Variants in IMMP2L observed in about 807,000 individuals in gnomAD.
IMMP2L encodes the protein mitochondrial inner membrane protease subunit 2.
Under a neutral mutation model 19.3 loss-of-function variants are expected in IMMP2L, and 18 were observed. That is an observed-to-expected ratio of 0.93 (90% confidence interval 0.64 to 1.38). The LOEUF is 1.38. IMMP2L is among the 40% of genes most tolerant of loss of function. IMMP2L has a pLI of 0.00. For synonymous variants in IMMP2L, 76 were observed against 73.0 expected (o/e 1.04, Z -0.21); for missense variants, 233 against 218.2 (o/e 1.07, Z -0.43).
At chr7:111,118,779 A>T (rs1800217797) in intron 3 of IMMP2L, among the ~76,000 whole-genome samples, 8 of 152,136 alleles carry the variant, frequency 5.3e-5, no homozygotes, top group Admixed American at 5.2e-4. Flanking sequence ...TATGCTAAAG[A>T]AACGATAAAT....
intron 5 of IMMP2L, among the ~76,000 whole-genome samples, chr7:110,706,670 G>A (rs1271706675): frequency 1.3e-5 from 2 of 152,034 alleles, no homozygotes; most frequent in East Asian, 1.9e-4. Flanking sequence ...AAGTGTCCAT[G>A]TCTTTTGCCC....
chr7:111,422,415 T>C lies in IMMP2L; in HGVS notation c.239+64823A>G, dbSNP rs576468689. Reference sequence around the variant, plus strand: ...TATTTCATTGAGCAGTGGTTTGTAGTTCTCCTTGAAGAGGTCACCACATCC... The same window carrying C: ...TATTTCATTGAGCAGTGGTTTGTAGCTCTCCTTGAAGAGGTCACCACATCC... On this transcript the variant is annotated intron_variant, in intron 3 of 5. Coordinates refer to ENST00000405709, the MANE Select transcript of IMMP2L (RefSeq NM_032549.4). Among the ~76,000 whole-genome samples the C allele has an allele frequency of 3.6e-3, 539 of 151,360 alleles. 19 individuals are homozygous for C. Among genetic ancestry groups the C allele is most frequent in the African/African-American group, 0.013 (521 of 41,096 alleles).
chr7:111,047,175 G>T (rs938059798), intron 3 of IMMP2L, among the ~76,000 whole-genome samples: 1 of 146,818 alleles, frequency 6.8e-6, no homozygotes, highest in African/African-American at 2.7e-5. Context: ...TGTCTTTTTT[G>T]TTTTTTTTTT....
At chr7:111,437,285 A>G (rs1837273788) in intron 3 of IMMP2L, among the ~76,000 whole-genome samples, 1 of 151,732 alleles carries the variant, frequency 6.6e-6, no homozygotes, top group Non-Finnish European at 1.5e-5. Context: ...ATCTCTACTA[A>G]AAATACAAAA....
intron 3 of IMMP2L, among the ~76,000 whole-genome samples, chr7:110,980,727 A>G (rs1178250978): frequency 6.6e-6 from 1 of 152,202 alleles, no homozygotes; most frequent in East Asian, 1.9e-4. Flanking sequence ...CCTAAATTTG[A>G]CAAAGTTTTG....
At chr7:111,179,573 T>TAAGG (rs1262865986) in intron 3 of IMMP2L, among the ~76,000 whole-genome samples, 2 of 152,016 alleles carry the variant, frequency 1.3e-5, no homozygotes, top group African/African-American at 4.8e-5. Context: ...GCATCATTCT[T>TAAGG]AAGGGCCCTA....
At chr7:111,250,373 T>C (rs1035172206) in intron 3 of IMMP2L, among the ~76,000 whole-genome samples, 8 of 152,082 alleles carry the variant, frequency 5.3e-5, no homozygotes, top group Admixed American at 2.0e-4. Context: ...TAAACGACCA[T>C]TGACGTTTTT....
chr7:111,552,418 C>G (rs115805780), intron 1 of IMMP2L, among the ~76,000 whole-genome samples: 2,178 of 152,168 alleles, frequency 0.014, 45 homozygotes, highest in African/African-American at 0.05. Flanking sequence ...CTCCTGAGGA[C>G]CTGGCATCAC....
At chr7:111,094,371 A>C (rs185774112) in intron 3 of IMMP2L, among the ~76,000 whole-genome samples, 1 of 152,118 alleles carries the variant, frequency 6.6e-6, no homozygotes, top group African/African-American at 2.4e-5. Flanking sequence ...AGACTAAAAA[A>C]TGAGTTCCTA....
In IMMP2L at chr7:111,045,280, G is replaced by A. The variant is rs569272779; in HGVS notation, c.240-81715C>T. Among the ~76,000 whole-genome samples the A allele has an allele frequency of 4.5e-4, 69 of 152,190 alleles. 1 individual carries two copies. The highest frequency in any genetic ancestry group is 1.6e-3 in the African/African-American group (67 of 41,508). ...GACTCAATCCATTAGTAAATTCTAT[G>A]GGCTTTACTTCCTAAATATATCCTC... is the stretch of plus-strand genomic sequence containing the variant. On this transcript the variant is annotated intron_variant, in intron 3 of 5. Coordinates refer to ENST00000405709, the MANE Select transcript of IMMP2L (RefSeq NM_032549.4).
intron 3 of IMMP2L, among the ~76,000 whole-genome samples, chr7:111,035,284 A>T (rs1791223047): frequency 6.6e-6 from 1 of 152,210 alleles, no homozygotes; most frequent in Non-Finnish European, 1.5e-5. Flanking sequence ...ATCATCTATT[A>T]ACCCTGTTTA....
intron 3 of IMMP2L, among the ~76,000 whole-genome samples, chr7:110,967,800 T>C (rs749195218): frequency 3.9e-5 from 6 of 152,068 alleles, no homozygotes; most frequent in Non-Finnish European, 7.4e-5. Flanking sequence ...AAATATATGT[T>C]TTTCTATTCT....
Position 111,434,288 on chromosome 7 carries a change from G to A in IMMP2L, c.239+52950C>T, listed in dbSNP as rs11977251. ...ACCCATACCTGTCACAAAGTCTTAT[G>A]TTCTGGTCTTTGGATTAGGCAATGA... On this transcript the variant is annotated intron_variant, in intron 3 of 5. Coordinates refer to ENST00000405709, the MANE Select transcript of IMMP2L (RefSeq NM_032549.4). Among the ~76,000 whole-genome samples, 898 of 151,832 alleles carry A rather than the reference G, an allele frequency of 5.9e-3. 31 individuals carry two copies. Among genetic ancestry groups the A allele is most frequent in the African/African-American group, 0.02 (831 of 41,210 alleles).
At chr7:111,542,638 A>G (rs1392741699) in intron 1 of IMMP2L, among the ~76,000 whole-genome samples, 2 of 152,174 alleles carry the variant, frequency 1.3e-5, no homozygotes, top group Admixed American at 6.6e-5. Flanking sequence ...TATTGATTTC[A>G]TAACTGCTAC....
intron 3 of IMMP2L, among the ~76,000 whole-genome samples, chr7:111,445,531 G>A (rs560943261): frequency 5.0e-4 from 76 of 152,164 alleles, no homozygotes; most frequent in African/African-American, 1.7e-3. Flanking sequence ...TGAGAATAAC[G>A]AAACTTTAAA....
chr7:111,531,154 A>G (rs1234897732), intron 1 of IMMP2L, among the ~76,000 whole-genome samples: 3 of 151,978 alleles, frequency 2.0e-5, no homozygotes, highest in Non-Finnish European at 2.9e-5. Context: ...ACAGGGTTTC[A>G]CCATGTTAGC....
At position 111,342,010 on chromosome 7, in the gene IMMP2L, C is replaced by A. The variant is rs544280194; in HGVS notation, c.239+145228G>T. Among the ~76,000 whole-genome samples the A allele has an allele frequency of 4.8e-4, 73 of 152,236 alleles. 1 individual carries two copies. Among genetic ancestry groups the A allele is most frequent in the African/African-American group, 1.4e-3 (59 of 41,552 alleles). On this transcript the variant is annotated intron_variant, in intron 3 of 5. Coordinates refer to ENST00000405709, the MANE Select transcript of IMMP2L (RefSeq NM_032549.4). The stretch of plus-strand genomic sequence containing the variant: ...TCTAGAACCATGAGCCAATAAATTT[C>A]TATTCATTATAAATTACCCAGTCTC...
chr7:111,310,263 TCACATG>T (rs1823366247), intron 3 of IMMP2L, among the ~76,000 whole-genome samples: 1 of 150,882 alleles, frequency 6.6e-6, no homozygotes, highest in Non-Finnish European at 1.5e-5. Flanking sequence ...ACTTTTGAGT[TCACATG>T]CTTAATTTTT....
intron 3 of IMMP2L, among the ~76,000 whole-genome samples, chr7:110,999,860 G>A (rs1444828185): frequency 2.6e-5 from 4 of 152,080 alleles, no homozygotes; most frequent in African/African-American, 9.7e-5. Context: ...ATTTTGACTG[G>A]GGTATTTGTG....
Sources: gnomAD v4.1 joint callset for allele counts (sites outside exome capture counted in the v4.1 genomes callset) on GRCh38, gnomAD v4.1.1 for gene constraint, MANE v1.5 for transcripts, NCBI Gene and HGNC (gene_info 2026-07-23, HGNC 2026-07-21) for gene names.